Variants in MILR1 observed in about 807,000 individuals in gnomAD.
MILR1 encodes mast cell immunoglobulin like receptor 1, also known as allergin-1.
In MILR1, 31 loss-of-function variants were observed where a neutral mutation model predicts 18.5. The observed-to-expected ratio is 1.68, with a 90% confidence interval of 1.26 to 2.26. The LOEUF (loss-of-function observed/expected upper bound fraction) is 2.26, where lower values mean the gene tolerates loss of function less well. Among genes scored for constraint, MILR1 ranks in the 30% most tolerant of loss-of-function variants. MILR1 has a pLI of 0.00. For missense variants in MILR1, 257 were observed against 157.4 expected (o/e 1.63, Z -3.38); for synonymous variants, 85 against 56.2 (o/e 1.51, Z -2.30).
chr17:64,472,664 T>C (rs1284417024), downstream of MILR1, among the ~76,000 whole-genome samples: 2 of 151,994 alleles, frequency 1.3e-5, no homozygotes, highest in African/African-American at 2.4e-5. Flanking sequence ...TGTGCTACAA[T>C]TGCCTAGTGT....
chr17:64,486,240 T>C, the MILR1 span, among the ~76,000 whole-genome samples: 593 of 152,334 alleles, frequency 3.9e-3, 4 homozygotes, highest in South Asian at 0.017. Context: ...GGTTGGGCTC[T>C]ATCCCAGAGA....
the MILR1 span, chr17:64,477,881 T>C: frequency 6.2e-7 from 1 of 1,613,364 alleles, no homozygotes; most frequent in African/African-American, 1.3e-5. Context: ...TTTGGATATA[T>C]GCATCATTTC....
At chr17:64,491,697 G>C in the MILR1 span, 5 of 1,090,200 alleles carry the variant, frequency 4.6e-6, no homozygotes, top group Non-Finnish European at 6.9e-6. Flanking sequence ...GAGCATCTCG[G>C]GGTTTACCAT....
At chr17:64,467,828 G>C (rs879970307) in intron 9 of MILR1, 183 bp downstream of exon 9, 1 of 444,078 alleles carries the variant, frequency 2.3e-6, no homozygotes, top group Non-Finnish European at 4.1e-6. Flanking sequence ...CCAGCTACTC[G>C]GGAGGCTGAG....
chr17:64,450,063 C>T (rs2037132802), intron 2 of MILR1, among the ~76,000 whole-genome samples: 1 of 152,018 alleles, frequency 6.6e-6, no homozygotes, highest in East Asian at 1.9e-4. Flanking sequence ...CTCAGCCTCC[C>T]GAGTAGCTGG....
chr17:64,451,107 A>C (rs1261545983), intron 2 of MILR1, among the ~76,000 whole-genome samples: 1 of 151,254 alleles, frequency 6.6e-6, no homozygotes, highest in African/African-American at 2.4e-5. Context: ...TGGTGGATAT[A>C]ATCACTTTTA....
chr17:64,455,228 G>A (rs1396303822), intron 3 of MILR1, among the ~76,000 whole-genome samples: 1 of 152,132 alleles, frequency 6.6e-6, no homozygotes, highest in African/African-American at 2.4e-5. Flanking sequence ...CCTGCAATTT[G>A]TTAGGGTAAT....
chr17:64,454,958 A>C (rs2037257551), intron 3 of MILR1, among the ~76,000 whole-genome samples: 1 of 152,128 alleles, frequency 6.6e-6, no homozygotes, highest in African/African-American at 2.4e-5. Context: ...CTGTGATTGC[A>C]CCACTGCACT....
At chr17:64,478,140 T>C in the MILR1 span, 1 of 708,052 alleles carries the variant, frequency 1.4e-6, no homozygotes, top group Non-Finnish European at 2.4e-6. Flanking sequence ...TTTTTAAAGT[T>C]TCTGAATTGT....
At chr17:64,475,958 C>T in the MILR1 span, among the ~76,000 whole-genome samples, 6 of 151,562 alleles carry the variant, frequency 4.0e-5, no homozygotes, top group Non-Finnish European at 5.9e-5. Flanking sequence ...GGATTACAGG[C>T]GCCCACCACC....
the MILR1 span, among the ~76,000 whole-genome samples, chr17:64,478,226 GAATA>G: frequency 1.3e-5 from 2 of 152,120 alleles, no homozygotes; most frequent in Non-Finnish European, 2.9e-5. Context: ...TAAAATCTGA[GAATA>G]AACACTGGTA....
chr17:64,465,652 C>A, intron 6 of MILR1, 111 bp downstream of exon 6: 1 of 1,099,772 alleles, frequency 9.1e-7, no homozygotes, highest in Non-Finnish European at 1.3e-6. Flanking sequence ...GGATAGAGTT[C>A]AATGTCTATT....
intron 5 of MILR1, among the ~76,000 whole-genome samples, chr17:64,463,724 G>A (rs2144064175): frequency 6.6e-6 from 1 of 151,976 alleles, no homozygotes; most frequent in African/African-American, 2.4e-5. Context: ...TGCCCAGGCT[G>A]GAGTGCAGTG....
the MILR1 span, among the ~76,000 whole-genome samples, chr17:64,492,151 C>A: frequency 6.6e-6 from 1 of 152,052 alleles, no homozygotes. Flanking sequence ...TCATTCTTAC[C>A]CTTCTGCGAA....
In MILR1 at chr17:64,449,340, G is replaced by A; in HGVS notation, c.82G>A (p.Ala28Thr). 2.1e-6 allele frequency: 1 copy of A among 472,606 alleles called. No individual in the cohort carries two copies. The highest frequency in any genetic ancestry group is 3.9e-6 in the Non-Finnish European group (1 of 257,680). The allele number at this position is 472,606 out of a possible 1,614,324, so 29.3% of individuals were successfully genotyped here. Residue 28 changes from alanine to threonine, a missense_variant, in exon 2 of 10, where the codon GCA (alanine) becomes ACA (threonine). Physicochemically the swap from Ala to Thr is moderately conservative, Grantham distance 58. Transcript: ENST00000619286. ...TCRKAVLDCE[A>T]MKTNEFPSPC... ...TAGAAAAGCTGTATTGGATTGTGAG[G>A]CAATGAAAACAAATGGTAAGTTTCA...
chr17:64,468,029 T>G, intron 9 of MILR1: 1 of 340,260 alleles, frequency 2.9e-6, no homozygotes, highest in Non-Finnish European at 5.7e-6. Context: ...AAGGTGTGCC[T>G]TGATGTGCTG....
chr17:64,485,598 A>T, the MILR1 span: 1 of 789,442 alleles, frequency 1.3e-6, no homozygotes, highest in Non-Finnish European at 2.1e-6. Flanking sequence ...AAAAAACTGA[A>T]AAATACTTAG....
chr17:64,456,490 T>C (rs1164555525), intron 3 of MILR1, among the ~76,000 whole-genome samples: 3 of 152,104 alleles, frequency 2.0e-5, no homozygotes, highest in African/African-American at 4.8e-5. Flanking sequence ...AGCTGAGTTC[T>C]ATAAATAAAA....
intron 3 of MILR1, among the ~76,000 whole-genome samples, chr17:64,454,684 C>T (rs979339544): frequency 4.1e-4 from 62 of 152,276 alleles, no homozygotes; most frequent in African/African-American, 1.4e-3. Flanking sequence ...GAGAATGCTA[C>T]GGACTCCAGG....
Sources: gnomAD v4.1 joint callset for allele counts (sites outside exome capture counted in the v4.1 genomes callset) on GRCh38, gnomAD v4.1.1 for gene constraint, MANE v1.5 for transcripts, NCBI Gene and HGNC (gene_info 2026-07-23, HGNC 2026-07-21) for gene names.